The following CSMD1 variants were observed in gnomAD, a reference collection of about 807,000 sequenced individuals.
CSMD1 encodes the protein CUB and sushi domain-containing protein 1.
Under a neutral mutation model 417.5 loss-of-function variants are expected in CSMD1, and 213 were observed. That is an observed-to-expected ratio of 0.51 (90% CI 0.46 to 0.57). CSMD1 has a LOEUF of 0.57. CSMD1 is among the 20% of genes least tolerant of loss of function. The pLI is 0.00. For missense variants in CSMD1, 6,923 were observed against 4,529.7 expected (o/e 1.53, Z -15.17); for synonymous variants, 2,862 against 1,736.8 (o/e 1.65, Z -16.11).
chr8:4,303,698 C>A (rs532101365), intron 3 of CSMD1, among the ~76,000 whole-genome samples: 1 of 151,938 alleles, frequency 6.6e-6, no homozygotes, highest in South Asian at 2.1e-4. Context: ...CTCTCTTGCC[C>A]AGACTGGAGC....
At chr8:4,310,212 G>T (rs118188531) in intron 3 of CSMD1, among the ~76,000 whole-genome samples, 1 of 152,114 alleles carries the variant, frequency 6.6e-6, no homozygotes, top group Non-Finnish European at 1.5e-5. Context: ...CCATCTAGTG[G>T]AGGATTCAGG....
At chr8:4,820,779 A>T (rs12674540) in intron 1 of CSMD1, among the ~76,000 whole-genome samples, 10,845 of 152,216 alleles carry the variant, frequency 0.071, 711 homozygotes, top group East Asian at 0.29. Context: ...TTCCCACCTT[A>T]TTAATATGAA....
At chr8:3,797,533 C>G (rs1010416792) in intron 5 of CSMD1, among the ~76,000 whole-genome samples, 1 of 151,850 alleles carries the variant, frequency 6.6e-6, no homozygotes, top group Non-Finnish European at 1.5e-5. Flanking sequence ...ATTAGGCAAG[C>G]TCTCTTAAAT....
intron 7 of CSMD1, among the ~76,000 whole-genome samples, chr8:3,675,393 A>G (rs537574409): frequency 6.6e-6 from 1 of 152,306 alleles, no homozygotes; most frequent in East Asian, 1.9e-4. Context: ...TGGATATGCT[A>G]TCTTGTTTTG....
intron 36 of CSMD1, among the ~76,000 whole-genome samples, chr8:3,185,606 C>T (rs752621553): frequency 5.3e-5 from 8 of 152,150 alleles, no homozygotes; most frequent in Non-Finnish European, 1.2e-4. Context: ...ACATCTGAAG[C>T]TAAGTTCACT....
chr8:4,730,900 A>G (rs1445971749), intron 1 of CSMD1, among the ~76,000 whole-genome samples: 1 of 128,996 alleles, frequency 7.8e-6, no homozygotes, highest in African/African-American at 2.5e-5. Flanking sequence ...CTGTGACTAA[A>G]CCGTGCTTTG....
At position 3,408,134 on chromosome 8, in the gene CSMD1, C is replaced by G. The variant is rs753345196; in HGVS notation, c.1836G>C (p.Trp612Cys). ...EEYGNNMNCV[W>C]LIISEPGSRI... The stretch of plus-strand genomic sequence containing the variant: ...GACTTCCTGGCTCCGAGATAATCAA[C>G]CAGACACAGTTCATGTTGTTCCCAT... Residue 612 changes from tryptophan (W) to cysteine (C), a missense_variant, in exon 14 of 70, where the codon TGG becomes TGC. Coordinates refer to ENST00000635120, the MANE Select transcript of CSMD1 (RefSeq NM_033225.6). The G allele has an allele frequency of 6.2e-7, 1 of 1,613,610 alleles. No individual in the cohort carries two copies. The highest frequency in any genetic ancestry group is 1.1e-5 in the South Asian group (1 of 91,014).
chr8:3,133,063 G>A (rs566051603), intron 41 of CSMD1, among the ~76,000 whole-genome samples: 13 of 152,202 alleles, frequency 8.5e-5, no homozygotes, highest in East Asian at 1.9e-4. Flanking sequence ...AATAAAAGGC[G>A]TATTAGCCCA....
At chr8:4,434,573 G>T (rs1304898300) in intron 2 of CSMD1, among the ~76,000 whole-genome samples, 5 of 152,154 alleles carry the variant, frequency 3.3e-5, no homozygotes, top group Non-Finnish European at 7.4e-5. Flanking sequence ...TAGAGGAGGA[G>T]GAAGTTCATG....
intron 1 of CSMD1, among the ~76,000 whole-genome samples, chr8:4,937,377 T>C (rs1199399309): frequency 1.3e-5 from 2 of 152,232 alleles, no homozygotes; most frequent in African/African-American, 2.4e-5. Flanking sequence ...CTTGATGTAG[T>C]GTATTCTTTA....
At chr8:4,284,116 C>G (rs187007292) in intron 3 of CSMD1, among the ~76,000 whole-genome samples, 6 of 152,012 alleles carry the variant, frequency 3.9e-5, no homozygotes, top group African/African-American at 1.4e-4. Context: ...ACCTGTAATC[C>G]TAGCATTTTG....
In CSMD1 at chr8:3,597,992, T is replaced by C. The variant is rs554682896; in HGVS notation, c.1098-11732A>G. On this transcript the variant is annotated intron_variant, in intron 8 of 69. Transcript: ENST00000635120. ...CCAGAACTTAAGGTATATTAAAAAGTTTTTCTTTGTATATCTCCTCTCTTT... is the reference window on the plus strand; with the variant it reads ...CCAGAACTTAAGGTATATTAAAAAGCTTTTCTTTGTATATCTCCTCTCTTT... 1.7e-3 allele frequency among the ~76,000 whole-genome samples: 261 copies of C among 152,266 alleles called. 3 individuals carry two copies. The highest frequency in any genetic ancestry group is 6.2e-3 in the African/African-American group (258 of 41,544).
intron 3 of CSMD1, among the ~76,000 whole-genome samples, chr8:4,128,041 T>C (rs1230041537): frequency 6.6e-6 from 1 of 152,166 alleles, no homozygotes; most frequent in Non-Finnish European, 1.5e-5. Context: ...CTTCAGGTGA[T>C]TTATAACATC....
At chr8:4,769,876 C>T (rs1214124667) in intron 1 of CSMD1, among the ~76,000 whole-genome samples, 7 of 152,102 alleles carry the variant, frequency 4.6e-5, no homozygotes, top group African/African-American at 7.2e-5. Flanking sequence ...CCACCACTAA[C>T]ATCATTTTTT....
chr8:4,578,713 C>A (rs1015158333), intron 2 of CSMD1, among the ~76,000 whole-genome samples: 3 of 148,322 alleles, frequency 2.0e-5, no homozygotes, highest in African/African-American at 7.5e-5. Flanking sequence ...ACTCAAGAGG[C>A]TGAGGCAAGA....
At position 4,044,685 on chromosome 8, in the gene CSMD1, C is replaced by A. The variant is rs570407929; in HGVS notation, c.416-12586G>T. Among the ~76,000 whole-genome samples, 9 of 65,578 alleles carry A rather than the reference C, an allele frequency of 1.4e-4. No homozygotes were observed. The South Asian group carries it at 5.4e-3, about 39-fold the overall frequency. The allele number at this position is 65,578 out of a possible 152,430, so 43.0% of individuals were successfully genotyped here. A position where few individuals can be genotyped will look rare whatever the true frequency, so the allele number is the denominator to read the frequency against. On this transcript the variant is annotated intron_variant, in intron 3 of 69. Coordinates refer to ENST00000635120, the MANE Select transcript of CSMD1 (RefSeq NM_033225.6). ...GGGCGTGTACCACCCTGGCCACCTA[C>A]AATCCTGGCTGCGTACAACCCTGGA...
At chr8:4,734,104 A>G (rs1283299105) in intron 1 of CSMD1, among the ~76,000 whole-genome samples, 1 of 152,182 alleles carries the variant, frequency 6.6e-6, no homozygotes, top group African/African-American at 2.4e-5. Context: ...AAACATCAAA[A>G]GAGTTTATTT....
chr8:4,756,484 A>G (rs1277600966), intron 1 of CSMD1, among the ~76,000 whole-genome samples: 9 of 152,222 alleles, frequency 5.9e-5, no homozygotes, highest in Non-Finnish European at 1.3e-4. Context: ...AATTATATAT[A>G]AATGTAAATA....
chr8:4,777,580 T>G (rs28524028), intron 1 of CSMD1, among the ~76,000 whole-genome samples: 3 of 152,190 alleles, frequency 2.0e-5, no homozygotes, highest in African/African-American at 7.2e-5. Context: ...CAGCTAATCC[T>G]ACATGTGCAG....
Sources: gnomAD v4.1 joint callset for allele counts (sites outside exome capture counted in the v4.1 genomes callset) on GRCh38, gnomAD v4.1.1 for gene constraint, MANE v1.5 for transcripts, NCBI Gene and HGNC (gene_info 2026-07-23, HGNC 2026-07-21) for gene names.